The following SIL1 variants were observed in gnomAD, a reference collection of about 807,000 sequenced individuals.
SIL1 encodes SIL1 nucleotide exchange factor.
SIL1 carries 40 observed loss-of-function variants against 49.1 expected under a neutral mutation model. The ratio of observed to expected loss-of-function variants is 0.81; its 90% confidence interval spans 0.63 to 1.06. SIL1 has a LOEUF of 1.06. Ranked by LOEUF, SIL1 falls within the 50% of genes least tolerant of loss-of-function variation. SIL1 has a pLI of 0.00. For synonymous variants in SIL1, 253 were observed against 250.8 expected, an observed-to-expected ratio of 1.01 and a Z score of -0.08; for missense variants, 500 against 572.6, an observed-to-expected ratio of 0.87 and a Z score of 1.29.
At chr5:139,036,120 GAT>G (rs1009303876) in intron 5 of SIL1, 2 of 152,136 alleles carry the variant, frequency 1.3e-5, no homozygotes, top group African/African-American at 4.8e-5. Flanking sequence ...GTTGTTTATT[GAT>G]AGTTTCTTTT....
intron 7 of SIL1, among the ~76,000 whole-genome samples, chr5:138,995,862 T>C (rs950992129): frequency 6.6e-6 from 1 of 152,300 alleles, no homozygotes; most frequent in South Asian, 2.1e-4. Context: ...TGACCTCCAA[T>C]TCCCTCCATG....
At chr5:138,975,166 C>T (rs1337162283) in intron 7 of SIL1, among the ~76,000 whole-genome samples, 1 of 152,176 alleles carries the variant, frequency 6.6e-6, no homozygotes, top group African/African-American at 2.4e-5. Context: ...AGAAAAATGG[C>T]TCCCTCCTCT....
rs139060561 is a variant in SIL1, at chr5:138,985,322, T to G, written c.768-33438A>C. Among the ~76,000 whole-genome samples the G allele has an allele frequency of 3.1e-3, 478 of 152,322 alleles. 3 individuals carry two copies. The highest frequency in any genetic ancestry group is 0.01 in the African/African-American group (427 of 41,572). On this transcript the variant is annotated intron_variant, in intron 7 of 9. Coordinates refer to ENST00000394817, the MANE Select transcript of SIL1 (RefSeq NM_022464.5). ...TTATGGTTCCCTTTGACCTGCCTGA[T>G]TAGCGATTCCACAGGAAAACACCTC...
At chr5:138,995,252 T>TC (rs1426890825) in intron 7 of SIL1, among the ~76,000 whole-genome samples, 1 of 148,790 alleles carries the variant, frequency 6.7e-6, no homozygotes, top group African/African-American at 2.4e-5. Flanking sequence ...ATATTCATCT[T>TC]TTTTTTTTTT....
At chr5:139,044,239 C>T (rs1769104414) in intron 4 of SIL1, among the ~76,000 whole-genome samples, 1 of 152,130 alleles carries the variant, frequency 6.6e-6, no homozygotes, top group African/African-American at 2.4e-5. Context: ...AATCCCTCTC[C>T]CTACAGAGCA....
At chr5:139,185,225 G>A (rs865897239) in intron 1 of SIL1, among the ~76,000 whole-genome samples, 20 of 152,128 alleles carry the variant, frequency 1.3e-4, no homozygotes, top group African/African-American at 4.1e-4. Flanking sequence ...GTGTGTGAGT[G>A]TACCTTGAAA....
chr5:139,037,526 T>G (rs1396047866), intron 5 of SIL1, among the ~76,000 whole-genome samples: 2 of 152,246 alleles, frequency 1.3e-5, no homozygotes, highest in Non-Finnish European at 2.9e-5. Context: ...CTCTGTTATT[T>G]TTTTTCTCCA....
At chr5:139,094,693 C>T (rs1298832941) in intron 3 of SIL1, among the ~76,000 whole-genome samples, 1 of 152,148 alleles carries the variant, frequency 6.6e-6, no homozygotes, top group East Asian at 1.9e-4. Flanking sequence ...TCTTATATTA[C>T]CATAGTACAG....
chr5:139,089,444 A>G (rs916930609), intron 3 of SIL1, among the ~76,000 whole-genome samples: 7 of 152,046 alleles, frequency 4.6e-5, no homozygotes, highest in Admixed American at 1.3e-4. Flanking sequence ...GAAGAACTTT[A>G]CTTCTTACCC....
At chr5:139,093,997 AG>A (rs1770399251) in intron 3 of SIL1, 1 of 152,172 alleles carries the variant, frequency 6.6e-6, no homozygotes, top group South Asian at 2.1e-4. Context: ...TGAAATGGGG[AG>A]GGTATCATCA....
intron 1 of SIL1, among the ~76,000 whole-genome samples, chr5:139,189,891 C>G (rs1035226860): frequency 2.0e-5 from 3 of 152,142 alleles, no homozygotes; most frequent in Non-Finnish European, 4.4e-5. Context: ...AACCATCCCC[C>G]ACATCCCCCA....
chr5:139,042,164 C>A (rs939187488), intron 5 of SIL1, among the ~76,000 whole-genome samples: 1 of 152,212 alleles, frequency 6.6e-6, no homozygotes, highest in Non-Finnish European at 1.5e-5. Flanking sequence ...CTAGAAGAAA[C>A]ACATTTGCTA....
At chr5:138,955,066 T>C (rs779106480) in intron 7 of SIL1, among the ~76,000 whole-genome samples, 9 of 152,164 alleles carry the variant, frequency 5.9e-5, no homozygotes, top group African/African-American at 1.2e-4. Context: ...CTCCAGCCTA[T>C]GGACTCTGGA....
intron 1 of SIL1, among the ~76,000 whole-genome samples, chr5:139,155,868 T>C (rs1751399019): frequency 6.6e-6 from 1 of 152,016 alleles, no homozygotes. Context: ...AGTCTTGCTC[T>C]GTTGCCCAGG....
rs1766792647 is a variant in SIL1, at chr5:138,952,028, G to GCAAGTC, written c.768-145_768-144insGACTTG. The GCAAGTC allele has an allele frequency of 9.1e-6, 7 of 772,158 alleles. No homozygotes were observed. In the Admixed American group the frequency reaches 1.4e-4, roughly 15 times the overall value. 47.8% of individuals were successfully genotyped at this position (772,158 alleles called of 1,614,324 possible). On this transcript the variant is annotated intron_variant, in intron 7 of 9. Coordinates refer to ENST00000394817, the MANE Select transcript of SIL1 (RefSeq NM_022464.5). The stretch of plus-strand genomic sequence containing the variant: ...ACGGGGCAAGTCAAACTCAGCTGGG[G>GCAAGTC]AAACAAAGACCATCTGGCACAGACC...
intron 5 of SIL1, among the ~76,000 whole-genome samples, chr5:139,027,989 C>T (rs1237648990): frequency 6.6e-6 from 1 of 152,122 alleles, no homozygotes; most frequent in African/African-American, 2.4e-5. Flanking sequence ...CATGGGGCGC[C>T]ACATCCTGAT....
intron 3 of SIL1, among the ~76,000 whole-genome samples, chr5:139,097,966 G>C (rs947187616): frequency 2.0e-5 from 3 of 152,140 alleles, no homozygotes; most frequent in African/African-American, 4.8e-5. Flanking sequence ...AATGGAAAGA[G>C]ATTCCATGTC....
intron 7 of SIL1, 150 bp downstream of exon 7, chr5:139,021,021 C>G: frequency 8.8e-7 from 1 of 1,130,526 alleles, no homozygotes; most frequent in Non-Finnish European, 1.3e-6. Flanking sequence ...TTCCTATCTA[C>G]TTGGAATAAG....
At chr5:139,147,297 C>T (rs986504831) in intron 1 of SIL1, among the ~76,000 whole-genome samples, 1 of 152,136 alleles carries the variant, frequency 6.6e-6, no homozygotes, top group Non-Finnish European at 1.5e-5. Flanking sequence ...GTAAGCTGAA[C>T]CCTACCCTGA....
Sources: gnomAD v4.1 joint callset for allele counts (sites outside exome capture counted in the v4.1 genomes callset) on GRCh38, gnomAD v4.1.1 for gene constraint, MANE v1.5 for transcripts, NCBI Gene and HGNC (gene_info 2026-07-23, HGNC 2026-07-21) for gene names.